VAMP7: variants seen among roughly 807,000 people sequenced by gnomAD.
VAMP7 encodes the protein vesicle-associated membrane protein 7.
VAMP7 carries 14 observed loss-of-function variants against 29.6 expected under a neutral mutation model. The observed-to-expected ratio is 0.47, with a 90% CI of 0.31 to 0.74. The LOEUF (loss-of-function observed/expected upper bound fraction) is 0.74. Among genes scored for constraint, VAMP7 ranks in the 30% least tolerant of loss-of-function variants. The pLI is 0.05. For synonymous variants in VAMP7, 95 were observed against 88.1 expected (o/e 1.08, Z -0.44); for missense variants, 223 against 262.4 (o/e 0.85, Z 1.04).
intron 6 of VAMP7, among the ~76,000 whole-genome samples, chrX:155,933,703 G>A (rs892419009): frequency 6.6e-6 from 1 of 151,880 alleles, no homozygotes; most frequent in South Asian, 2.1e-4. Flanking sequence ...TCTCTATCTC[G>A]TTCAGTTCTG....
At chrX:155,905,363 C>G (rs891772599) in intron 5 of VAMP7, among the ~76,000 whole-genome samples, 10 of 152,012 alleles carry the variant, frequency 6.6e-5, no homozygotes, top group African/African-American at 2.4e-4. Flanking sequence ...TTGCTCTATT[C>G]TGTGAGTTGT....
chrX:155,921,314 T>TA (rs1241558555), intron 6 of VAMP7, among the ~76,000 whole-genome samples: 2 of 151,694 alleles, frequency 1.3e-5, no homozygotes, highest in East Asian at 1.9e-4. Flanking sequence ...CAATTATTTT[T>TA]TATATATATC....
chrX:155,927,503 A>G (rs2066487242), intron 6 of VAMP7, among the ~76,000 whole-genome samples: 1 of 145,626 alleles, frequency 6.9e-6, no homozygotes, highest in South Asian at 2.2e-4. Context: ...AAAAAAAAAA[A>G]AAAAATCCAT....
chrX:155,930,137 A>C (rs1256652194), intron 6 of VAMP7, among the ~76,000 whole-genome samples: 1 of 152,154 alleles, frequency 6.6e-6, no homozygotes, highest in Non-Finnish European at 1.5e-5. Flanking sequence ...GCCTAACAGG[A>C]AAGCTTACCC....
intron 5 of VAMP7, among the ~76,000 whole-genome samples, chrX:155,914,155 C>T (rs1406835221): frequency 6.6e-6 from 1 of 152,050 alleles, no homozygotes; most frequent in Admixed American, 6.5e-5. Flanking sequence ...TGATTTGGCT[C>T]TCTGTTTGTC....
chrX:155,911,855 T>C (rs2066242231), intron 5 of VAMP7, among the ~76,000 whole-genome samples: 1 of 152,152 alleles, frequency 6.6e-6, no homozygotes, highest in Admixed American at 6.5e-5. Flanking sequence ...TAGGAGTTTT[T>C]TGGTGGAGTC....
At chrX:155,926,142 A>G (rs1212378472) in intron 6 of VAMP7, among the ~76,000 whole-genome samples, 1 of 152,174 alleles carries the variant, frequency 6.6e-6, no homozygotes, top group Non-Finnish European at 1.5e-5. Flanking sequence ...GTAAATTACC[A>G]TTGGCTTCAG....
Position 155,895,406 on chromosome X carries a change from G to A in VAMP7, c.147-217G>A, listed in dbSNP as rs147687275. ...GGTAATACACATGCTGTTGTGCTAT[G>A]TAGCTAGAATAGAGATCTTTTTATT... On this transcript the variant is annotated intron_variant, in intron 2 of 7. Transcript: ENST00000286448. 8.7e-3 allele frequency among the ~76,000 whole-genome samples: 1,319 copies of A among 152,246 alleles called. 22 individuals are homozygous for A. The highest frequency in any genetic ancestry group is 0.03 in the African/African-American group (1,243 of 41,530).
At chrX:155,893,586 G>T (rs1230047938) in intron 2 of VAMP7, among the ~76,000 whole-genome samples, 1 of 152,120 alleles carries the variant, frequency 6.6e-6, no homozygotes, top group Admixed American at 6.5e-5. Context: ...TGAGGTGCCC[G>T]CTAATTCAGT....
chrX:155,903,252 G>A lies in VAMP7; in HGVS notation c.433+2665G>A, dbSNP rs183288453. On this transcript the variant is annotated intron_variant, in intron 5 of 7. Transcript: ENST00000286448. ...ATTTAGACCTAAAACCATAAAAACC[G>A]TAGAAGAAAACCTAGGCATTACCAT... Among the ~76,000 whole-genome samples the A allele has an allele frequency of 3.9e-3, 596 of 151,960 alleles. 2 individuals carry two copies. Among genetic ancestry groups the A allele is most frequent in the Non-Finnish European group, 6.4e-3 (435 of 67,886 alleles).
chrX:155,942,381 T>G lies in VAMP7; in HGVS notation c.*430T>G, dbSNP rs898040717. ...CTTAATGTCTTTTGTTATTGAGAAGTTTTAGGTGCTTCAAAACAATATAAA... is the reference window on the plus strand; with the variant it reads ...CTTAATGTCTTTTGTTATTGAGAAGGTTTAGGTGCTTCAAAACAATATAAA... On this transcript the variant is annotated 3_prime_UTR_variant, in exon 8 of 8. Transcript: ENST00000286448. 5.7e-6 allele frequency: 3 copies of G among 526,078 alleles called. No homozygotes were observed. Among genetic ancestry groups the G allele is most frequent in the Non-Finnish European group, 9.9e-6 (3 of 302,122 alleles). The allele number at this position is 526,078 out of a possible 1,614,324, so 32.6% of individuals were successfully genotyped here. A position where few individuals can be genotyped will look rare whatever the true frequency, so the allele number is the denominator to read the frequency against.
chrX:155,937,230 AAAAGCAGAGAGT>A (rs1329208343), intron 6 of VAMP7, among the ~76,000 whole-genome samples: 2 of 152,232 alleles, frequency 1.3e-5, no homozygotes, highest in Non-Finnish European at 2.9e-5. Context: ...TTCAGTTCAT[AAAAGCAGAGAGT>A]AAAACAGTGG....
chrX:155,888,303 CCAGA>C (rs1347870094), intron 1 of VAMP7, among the ~76,000 whole-genome samples: 5 of 152,152 alleles, frequency 3.3e-5, no homozygotes, highest in Non-Finnish European at 7.3e-5. Flanking sequence ...TCACCTGCAT[CCAGA>C]CAGACTTGTA....
At chrX:155,933,853 C>A (rs951112155) in intron 6 of VAMP7, among the ~76,000 whole-genome samples, 12 of 152,112 alleles carry the variant, frequency 7.9e-5, no homozygotes, top group Non-Finnish European at 1.8e-4. Flanking sequence ...ATAAATTTCC[C>A]TCTACACACT....
In VAMP7 at chrX:155,922,934, C is replaced by CATA. The variant is rs761061232; in HGVS notation, c.501+3056_501+3057insAAT. ...ATTGGATTTAGTACATTTGTTATTC[C>CATA]ATTATGTCTCCTTTGTCAGTTTATT... On this transcript the variant is annotated intron_variant, in intron 6 of 7. Coordinates refer to ENST00000286448, the MANE Select transcript of VAMP7 (RefSeq NM_005638.6). Among the ~76,000 whole-genome samples, 219 of 151,950 alleles carry CATA rather than the reference C, an allele frequency of 1.4e-3. 6 individuals are homozygous for CATA. In the South Asian group the frequency reaches 0.045, roughly 31 times the overall value.
intron 6 of VAMP7, among the ~76,000 whole-genome samples, chrX:155,931,081 G>A (rs889228549): frequency 3.3e-5 from 5 of 152,190 alleles, no homozygotes; most frequent in Non-Finnish European, 1.5e-5. Context: ...TAGTGTATAC[G>A]TGCCACATTT....
At chrX:155,892,484 A>G (rs2065936572) in intron 2 of VAMP7, among the ~76,000 whole-genome samples, 1 of 152,136 alleles carries the variant, frequency 6.6e-6, no homozygotes, top group African/African-American at 2.4e-5. Flanking sequence ...CTTTCCAGCC[A>G]TACTTCATAC....
intron 7 of VAMP7, among the ~76,000 whole-genome samples, chrX:155,940,303 C>T (rs1330400272): frequency 6.6e-6 from 1 of 152,006 alleles, no homozygotes; most frequent in Non-Finnish European, 1.5e-5. Context: ...GTTGCCTTTC[C>T]TCCCCATCCT....
At chrX:155,915,565 C>G (rs186879733) in intron 5 of VAMP7, among the ~76,000 whole-genome samples, 11 of 152,248 alleles carry the variant, frequency 7.2e-5, no homozygotes, top group Non-Finnish European at 1.6e-4. Context: ...TACGTTGTGT[C>G]TTTATTCTCA....
Sources: gnomAD v4.1 joint callset for allele counts (sites outside exome capture counted in the v4.1 genomes callset) on GRCh38, gnomAD v4.1.1 for gene constraint, MANE v1.5 for transcripts, NCBI Gene and HGNC (gene_info 2026-07-23, HGNC 2026-07-21) for gene names.